The following ZNF664 variants were observed in gnomAD, a reference collection of about 807,000 sequenced individuals.
The protein encoded by ZNF664 is zinc finger Organ of Corti 1.
Under a neutral mutation model 18.2 loss-of-function variants are expected in ZNF664, and 10 were observed. The ratio of observed to expected loss-of-function variants is 0.55; its 90% CI spans 0.34 to 0.93. ZNF664 has a LOEUF of 0.93. Ranked by LOEUF, ZNF664 falls within the 40% of genes least tolerant of loss-of-function variation. ZNF664 has a pLI of 0.02. For missense variants in ZNF664, 193 were observed against 319.0 expected (o/e 0.61, Z 3.01); for synonymous variants, 119 against 104.2 (o/e 1.14, Z -0.86).
chr12:124,014,683 C>T lies in ZNF664; in HGVS notation c.*1753C>T, dbSNP rs898224289. 1 of 167,012 alleles carries T rather than the reference C, an allele frequency of 6.0e-6. No homozygotes were observed. The highest frequency in any genetic ancestry group is 1.9e-4 in the East Asian group (1 of 5,198). The allele number at this position is 167,012 out of a possible 1,614,324, so 10.3% of individuals were successfully genotyped here. A position where few individuals can be genotyped will look rare whatever the true frequency, so the allele number is the denominator to read the frequency against. ...GAAAATGAACTACTCAAGATAGTCA[C>T]GAAAATACTGAAAGTTTGATTTTTC... On this transcript the variant is annotated 3_prime_UTR_variant, in exon 5 of 5. Transcript: ENST00000337815.
At chr12:123,995,048 T>C (rs1294807795) in intron 3 of ZNF664, among the ~76,000 whole-genome samples, 1 of 152,222 alleles carries the variant, frequency 6.6e-6, no homozygotes, top group African/African-American at 2.4e-5. Context: ...GCATACTCAG[T>C]AATCTGAGGA....
intron 3 of ZNF664, among the ~76,000 whole-genome samples, chr12:124,009,486 AT>A (rs1356041884): frequency 2.6e-5 from 4 of 151,750 alleles, no homozygotes; most frequent in Admixed American, 6.6e-5. Flanking sequence ...TATTTATTTT[AT>A]TTATTTATTT....
intron 3 of ZNF664, among the ~76,000 whole-genome samples, chr12:124,005,256 G>A (rs1957057833): frequency 1.3e-5 from 2 of 152,160 alleles, no homozygotes; most frequent in Non-Finnish European, 2.9e-5. Context: ...GCTTTTTGCT[G>A]TTCTTATTTT....
chr12:124,007,542 G>C (rs1957087138), intron 3 of ZNF664, among the ~76,000 whole-genome samples: 2 of 152,220 alleles, frequency 1.3e-5, no homozygotes, highest in South Asian at 2.1e-4. Flanking sequence ...GCCTCTTCCT[G>C]TGTTCATTCT....
At position 123,977,961 on chromosome 12, in the gene ZNF664, G is replaced by A. The variant is rs78299182; in HGVS notation, c.-757+3941G>A. Among the ~76,000 whole-genome samples the A allele has an allele frequency of 4.2e-3, 637 of 152,278 alleles. 11 individuals are homozygous for A. The highest frequency in any genetic ancestry group is 0.022 in the East Asian group (112 of 5,194). ...TAAGGTGGATGGAGCACATGCTTTA[G>A]ACTCAGATGTGTCTAAACTGGAATC... On this transcript the variant is annotated intron_variant, in intron 2 of 4. Coordinates refer to ENST00000337815, the MANE Select transcript of ZNF664 (RefSeq NM_152437.3).
intron 3 of ZNF664, among the ~76,000 whole-genome samples, chr12:124,010,364 T>C (rs1280970297): frequency 6.6e-6 from 1 of 152,248 alleles, no homozygotes; most frequent in East Asian, 1.9e-4. Flanking sequence ...TTTTAAAGTA[T>C]CATAGCGTAT....
intron 3 of ZNF664, among the ~76,000 whole-genome samples, chr12:124,001,686 C>T (rs1957014302): frequency 6.6e-6 from 1 of 152,216 alleles, no homozygotes. Context: ...TGCAGGGCTG[C>T]TTTGGAGCAT....
chr12:123,992,540 T>C (rs1956900710), intron 3 of ZNF664, among the ~76,000 whole-genome samples: 2 of 152,158 alleles, frequency 1.3e-5, no homozygotes, highest in South Asian at 4.1e-4. Context: ...GGGGAAGTTG[T>C]TCCTAGTATC....
At chr12:123,991,231 T>G (rs915322542) in intron 3 of ZNF664, among the ~76,000 whole-genome samples, 1 of 152,214 alleles carries the variant, frequency 6.6e-6, no homozygotes, top group Non-Finnish European at 1.5e-5. Flanking sequence ...GTCCCATTAC[T>G]CAGGTGTTTC....
rs1206439426 is a variant in ZNF664 at position 124,014,402 on chromosome 12, TTTTG to T, written c.*1480_*1483del. 1.8e-5 allele frequency: 3 copies of T among 167,076 alleles called. No homozygotes were observed. Among genetic ancestry groups the T allele is most frequent in the African/African-American group, 7.2e-5 (3 of 41,454 alleles). 10.3% of individuals were successfully genotyped at this position (167,076 alleles called of 1,614,324 possible). A position where few individuals can be genotyped will look rare whatever the true frequency, so the allele number is the denominator to read the frequency against. Reference sequence around the variant, plus strand: ...AGTATCCTGACTTTCAGAGGCCTTTTTTTGTTTGTTTTAATTTTTGCTAGATTGA... The same window carrying T: ...AGTATCCTGACTTTCAGAGGCCTTTTTTTGTTTTAATTTTTGCTAGATTGA... On this transcript the variant is annotated 3_prime_UTR_variant, in exon 5 of 5. Coordinates refer to ENST00000337815, the MANE Select transcript of ZNF664 (RefSeq NM_152437.3).
At chr12:123,983,133 C>G (rs1056527796) in intron 2 of ZNF664, among the ~76,000 whole-genome samples, 1 of 152,014 alleles carries the variant, frequency 6.6e-6, no homozygotes, top group Non-Finnish European at 1.5e-5. Context: ...GGTGACAGAG[C>G]GAGACCCTGT....
At chr12:123,988,014 A>G (rs1209726592) in intron 2 of ZNF664, 29 bp from the exon 3 acceptor site, 2 of 1,231,056 alleles carry the variant, frequency 1.6e-6, no homozygotes, top group East Asian at 3.2e-5. Flanking sequence ...AAATAAACCC[A>G]TTTTTCTCTT....
Position 124,011,257 on chromosome 12 carries a change from T to A in ZNF664, c.-660-124T>A, listed in dbSNP as rs1053210751. On this transcript the variant is annotated intron_variant, in intron 3 of 4. Coordinates refer to ENST00000337815, the MANE Select transcript of ZNF664 (RefSeq NM_152437.3). Reference sequence around the variant, plus strand: ...ACTCACATGTAGGTCTTTTTGAGGATTTCTTTTCTCTTTCAATAATGTTCC... The same window carrying A: ...ACTCACATGTAGGTCTTTTTGAGGAATTCTTTTCTCTTTCAATAATGTTCC... 8.1e-6 allele frequency: 8 copies of A among 982,132 alleles called. No homozygotes were observed. In the Middle Eastern group the frequency reaches 1.6e-3, roughly 191 times the overall value. 60.8% of individuals were successfully genotyped at this position (982,132 alleles called of 1,614,324 possible).
intron 3 of ZNF664, among the ~76,000 whole-genome samples, chr12:124,010,761 T>C (rs1292374660): frequency 6.6e-6 from 1 of 152,190 alleles, no homozygotes; most frequent in Non-Finnish European, 1.5e-5. Context: ...TTACAAGTCC[T>C]GTGGGCTTTA....
chr12:123,984,029 G>T (rs1367114911), intron 2 of ZNF664, among the ~76,000 whole-genome samples: 1 of 152,078 alleles, frequency 6.6e-6, no homozygotes, highest in South Asian at 2.1e-4. Context: ...TTCTGAGCAG[G>T]TGTTTGAGTG....
At chr12:123,989,022 G>A (rs975172084) in intron 3 of ZNF664, among the ~76,000 whole-genome samples, 1 of 152,176 alleles carries the variant, frequency 6.6e-6, no homozygotes, top group South Asian at 2.1e-4. Context: ...CCTGCTGCCA[G>A]AGGCTGGTTT....
intron 3 of ZNF664, among the ~76,000 whole-genome samples, chr12:124,000,098 T>C (rs2138413682): frequency 6.6e-6 from 1 of 152,334 alleles, no homozygotes; most frequent in African/African-American, 2.4e-5. Context: ...TGCAGAAACT[T>C]AGCTATCTGC....
chr12:124,008,654 G>T (rs995241274), intron 3 of ZNF664, among the ~76,000 whole-genome samples: 3 of 152,154 alleles, frequency 2.0e-5, no homozygotes, highest in African/African-American at 7.2e-5. Flanking sequence ...TTTGTTCAGT[G>T]CCTTGGGTCT....
chr12:123,994,045 T>C (rs999075112), intron 3 of ZNF664, among the ~76,000 whole-genome samples: 1 of 152,192 alleles, frequency 6.6e-6, no homozygotes, highest in Non-Finnish European at 1.5e-5. Context: ...GGAGAGTTCT[T>C]TCTTGTAGTG....
Sources: allele counts gnomAD v4.1 joint callset (sites outside exome capture counted in the v4.1 genomes callset), GRCh38; gene constraint gnomAD v4.1.1; transcripts MANE v1.5; gene names NCBI Gene and HGNC (gene_info 2026-07-23, HGNC 2026-07-21).